The following FHOD3 variants were observed in gnomAD, a reference collection of about 807,000 sequenced individuals.
The protein encoded by FHOD3 is formin homology 2 domain containing 3, also known as FH1/FH2 domain-containing protein 3.
Under a neutral mutation model 173.0 loss-of-function variants are expected in FHOD3, and 90 were observed. That is an observed-to-expected ratio of 0.52 (90% CI 0.44 to 0.62). The LOEUF is 0.62. FHOD3 is among the 20% of genes least tolerant of loss of function. The pLI is 0.00. For synonymous variants in FHOD3, 828 were observed against 823.0 expected (o/e 1.01, Z -0.10); for missense variants, 1,945 against 2,034.7 (o/e 0.96, Z 0.85).
chr18:36,759,001 C>T (rs1172500524), intron 25 of FHOD3, 117 bp from the exon 26 acceptor site: 2 of 1,129,782 alleles, frequency 1.8e-6, no homozygotes, highest in Non-Finnish European at 1.3e-6. Flanking sequence ...GTTGTGGTGA[C>T]CAGTTTATTT....
intron 5 of FHOD3, among the ~76,000 whole-genome samples, chr18:36,556,047 G>A (rs944672515): frequency 2.0e-5 from 3 of 151,894 alleles, no homozygotes; most frequent in Admixed American, 1.3e-4. Context: ...CTAATGATAT[G>A]GTTAGGTTTA....
chr18:36,590,547 T>G (rs1307130295), intron 6 of FHOD3, among the ~76,000 whole-genome samples: 1 of 152,224 alleles, frequency 6.6e-6, no homozygotes, highest in African/African-American at 2.4e-5. Flanking sequence ...CTAGTGCTCT[T>G]TTTTCCTAAA....
At chr18:36,325,201 G>A (rs28417153) in intron 1 of FHOD3, among the ~76,000 whole-genome samples, 7,072 of 151,874 alleles carry the variant, frequency 0.047, 535 homozygotes, top group African/African-American at 0.16. Context: ...AGTGGTGGGG[G>A]TCTCTGGGTG....
chr18:36,704,605 T>A (rs1304800965), intron 17 of FHOD3, among the ~76,000 whole-genome samples: 1 of 152,164 alleles, frequency 6.6e-6, no homozygotes, highest in Non-Finnish European at 1.5e-5. Flanking sequence ...CCCTTGAAGA[T>A]GCTTAGAGGC....
chr18:36,749,405 C>T (rs150847424), intron 24 of FHOD3, among the ~76,000 whole-genome samples: 1 of 152,246 alleles, frequency 6.6e-6, no homozygotes, highest in East Asian at 1.9e-4. Context: ...ATTTAGCTCC[C>T]ATTTATAAAT....
chr18:36,488,695 T>C (rs138392725), intron 3 of FHOD3, among the ~76,000 whole-genome samples: 2 of 152,302 alleles, frequency 1.3e-5, no homozygotes, highest in East Asian at 3.9e-4. Flanking sequence ...CTTCAGGATG[T>C]TGGAATGTGT....
intron 1 of FHOD3, among the ~76,000 whole-genome samples, chr18:36,354,589 G>A (rs2046271880): frequency 6.6e-6 from 1 of 152,148 alleles, no homozygotes; most frequent in Non-Finnish European, 1.5e-5. Flanking sequence ...ATCACCTGAG[G>A]TCAGGAGTTC....
chr18:36,605,785 G>A (rs572353572), intron 8 of FHOD3, among the ~76,000 whole-genome samples: 214 of 152,266 alleles, frequency 1.4e-3, no homozygotes, highest in African/African-American at 4.7e-3. Flanking sequence ...AAATTAAAAT[G>A]TTAATCTGGG....
intron 18 of FHOD3, among the ~76,000 whole-genome samples, chr18:36,712,389 G>A (rs1346606374): frequency 1.3e-5 from 2 of 151,764 alleles, no homozygotes; most frequent in Non-Finnish European, 2.9e-5. Flanking sequence ...TACGTAAAAA[G>A]TAAAATATCT....
intron 7 of FHOD3, among the ~76,000 whole-genome samples, chr18:36,600,674 A>T (rs938830242): frequency 6.6e-6 from 1 of 152,182 alleles, no homozygotes; most frequent in Non-Finnish European, 1.5e-5. Context: ...AGATGCACAC[A>T]TGTGCATGTG....
chr18:36,611,184 G>T (rs940116400), intron 8 of FHOD3, among the ~76,000 whole-genome samples: 1 of 152,198 alleles, frequency 6.6e-6, no homozygotes, highest in East Asian at 1.9e-4. Flanking sequence ...AAATTAAATT[G>T]TTACAACTCC....
intron 14 of FHOD3, among the ~76,000 whole-genome samples, chr18:36,672,917 T>TA (rs2037624362): frequency 6.6e-6 from 1 of 152,218 alleles, no homozygotes. Context: ...CCTCTTTTTT[T>TA]AATCCTTTTC....
chr18:36,515,322 A>G (rs746527349), intron 5 of FHOD3, among the ~76,000 whole-genome samples: 1 of 152,018 alleles, frequency 6.6e-6, no homozygotes, highest in Non-Finnish European at 1.5e-5. Flanking sequence ...GGTTCACGCC[A>G]TTATCCTGCC....
intron 3 of FHOD3, among the ~76,000 whole-genome samples, chr18:36,456,902 T>G (rs1350039357): frequency 2.0e-5 from 3 of 152,164 alleles, no homozygotes; most frequent in Non-Finnish European, 4.4e-5. Context: ...CATTGATGTC[T>G]AAGTATTCAC....
At chr18:36,757,123 T>G (rs1470149584) in intron 25 of FHOD3, among the ~76,000 whole-genome samples, 1 of 152,278 alleles carries the variant, frequency 6.6e-6, no homozygotes, top group Non-Finnish European at 1.5e-5. Context: ...CACTAATTTT[T>G]AAATTCTTTC....
At chr18:36,343,650 G>A (rs1028496393) in intron 1 of FHOD3, among the ~76,000 whole-genome samples, 22 of 151,866 alleles carry the variant, frequency 1.4e-4, no homozygotes, top group Non-Finnish European at 2.2e-4. Flanking sequence ...TCTCTACCGT[G>A]TGATCTCTGC....
chr18:36,698,342 A>G (rs1283930247), intron 17 of FHOD3, among the ~76,000 whole-genome samples: 2 of 152,216 alleles, frequency 1.3e-5, no homozygotes. Flanking sequence ...CCTCATAGAA[A>G]TGACAGTTGT....
intron 5 of FHOD3, among the ~76,000 whole-genome samples, chr18:36,542,098 A>G (rs1396282733): frequency 6.6e-6 from 1 of 152,198 alleles, no homozygotes; most frequent in Non-Finnish European, 1.5e-5. Flanking sequence ...TAAAAGGCCA[A>G]CCTACCATGG....
At chr18:36,646,849 G>A (rs370921349) in intron 10 of FHOD3, among the ~76,000 whole-genome samples, 8 of 152,300 alleles carry the variant, frequency 5.3e-5, no homozygotes, top group African/African-American at 1.7e-4. Flanking sequence ...AAGAACTTCT[G>A]CTTATTAAAA....
Sources: allele counts gnomAD v4.1 joint callset (sites outside exome capture counted in the v4.1 genomes callset), GRCh38; gene constraint gnomAD v4.1.1; transcripts MANE v1.5; gene names NCBI Gene and HGNC (gene_info 2026-07-23, HGNC 2026-07-21).